ZNF30: variants seen among roughly 807,000 people sequenced by gnomAD.
ZNF30 encodes zinc finger protein 30, also known as zinc finger protein 30 (KOX 28).
A neutral mutation model predicts 13.2 loss-of-function variants in ZNF30; 15 were observed. The ratio of observed to expected loss-of-function variants is 1.13; its 90% CI spans 0.76 to 1.75. The LOEUF (loss-of-function observed/expected upper bound fraction) is 1.75. ZNF30 is among the 40% of genes most tolerant of loss of function. ZNF30 has a pLI of 0.00. For synonymous variants in ZNF30, 223 were observed against 256.6 expected (o/e 0.87, Z 1.25); for missense variants, 726 against 757.0 (o/e 0.96, Z 0.48).
intron 1 of ZNF30, 106 bp from the exon 2 acceptor site, chr19:34,929,778 G>T (rs985612711): frequency 1.7e-6 from 1 of 586,002 alleles, no homozygotes; most frequent in East Asian, 3.0e-5. Flanking sequence ...TTGTTTGAGG[G>T]TGTTTGTAGC....
chr19:34,932,815 C>G (rs532312561), intron 3 of ZNF30, among the ~76,000 whole-genome samples: 48 of 148,324 alleles, frequency 3.2e-4, no homozygotes, highest in African/African-American at 1.2e-3. Flanking sequence ...TAGTCTCACT[C>G]TGTTGCCCAG....
intron 2 of ZNF30, among the ~76,000 whole-genome samples, chr19:34,931,529 T>C (rs1361012743): frequency 6.6e-6 from 1 of 152,214 alleles, no homozygotes; most frequent in Non-Finnish European, 1.5e-5. Context: ...TAGAGACTAA[T>C]TGTTTTTGAG....
chr19:34,931,723 C>A, intron 2 of ZNF30, 120 bp from the exon 3 acceptor site: 1 of 945,524 alleles, frequency 1.1e-6, no homozygotes. Context: ...CCATGCTCAT[C>A]CACTTGCCAC....
At chr19:34,928,150 G>C (rs954377561) in intron 1 of ZNF30, among the ~76,000 whole-genome samples, 1 of 149,520 alleles carries the variant, frequency 6.7e-6, no homozygotes, top group Non-Finnish European at 1.5e-5. Context: ...GGAGGTTGCA[G>C]TGAGTGGAGA....
In ZNF30 at chr19:34,930,072, TTC is replaced by T. The variant is rs1190244896; in HGVS notation, c.9+118_9+119del. ...ACCATCTAATTGCCTACTTGATTCC[TTC>T]TGTTTGGCGGAATGATGTCAAAGTA... On this transcript the variant is annotated intron_variant, in intron 2 of 4. Coordinates refer to ENST00000601142, the MANE Select transcript of ZNF30 (RefSeq NM_194325.3). 3.9e-6 allele frequency: 4 copies of T among 1,028,174 alleles called. No homozygotes were observed. In the East Asian group the frequency reaches 1.0e-4, roughly 27 times the overall value. The allele number at this position is 1,028,174 out of a possible 1,614,324, so 63.7% of individuals were successfully genotyped here.
At chr19:34,941,552 C>T (rs568863846) in intron 4 of ZNF30, among the ~76,000 whole-genome samples, 136 of 152,276 alleles carry the variant, frequency 8.9e-4, no homozygotes, top group South Asian at 6.0e-3. Context: ...TGAGCCACTG[C>T]ACCCAGCCTG....
rs551558825 is a variant in ZNF30, at chr19:34,930,703, A to T, written c.9+747A>T. Reference sequence around the variant, plus strand: ...CAAGACCCTGTCTCTACCAAAAAAAATTTTTTTTAATTAGCCAGGCATGGG... The same window carrying T: ...CAAGACCCTGTCTCTACCAAAAAAATTTTTTTTTAATTAGCCAGGCATGGG... On this transcript the variant is annotated intron_variant, in intron 2 of 4. Coordinates refer to ENST00000601142, the MANE Select transcript of ZNF30 (RefSeq NM_194325.3). 4.1e-3 allele frequency among the ~76,000 whole-genome samples: 624 copies of T among 152,044 alleles called. 5 individuals carry two copies. Among genetic ancestry groups the T allele is most frequent in the African/African-American group, 0.014 (560 of 41,460 alleles).
At chr19:34,935,243 A>T (rs35616687) in intron 4 of ZNF30, among the ~76,000 whole-genome samples, 46,189 of 142,006 alleles carry the variant, frequency 0.33, 7,144 homozygotes, top group South Asian at 0.35. Flanking sequence ...AAAAAAAAAA[A>T]TTTTTAAAAA....
chr19:34,944,536 G>T lies in ZNF30; in HGVS notation c.1570G>T (p.Gly524Cys). The change falls in exon 5 of 5, where the codon GGC becomes TGC. Residue 524 changes from glycine (G) to cysteine (C), a missense_variant. By Grantham distance (159) the Gly-to-Cys change is radical. Transcript: ENST00000601142. ...GGAGTGTGGCAAGGCCTTCAGTTCT[G>T]GCTCATACCTTGTTCAGCATCAAAG... is the stretch of plus-strand genomic sequence containing the variant. ...CKECGKAFSS[G>C]SYLVQHQRIH... The T allele has an allele frequency of 6.2e-7, 1 of 1,614,030 alleles. No individual in the cohort carries two copies. Among genetic ancestry groups the T allele is most frequent in the Non-Finnish European group, 8.5e-7 (1 of 1,179,990 alleles).
chr19:34,927,547 A>C (rs1378540342), intron 1 of ZNF30, among the ~76,000 whole-genome samples: 4 of 152,206 alleles, frequency 2.6e-5, no homozygotes, highest in Non-Finnish European at 5.9e-5. Flanking sequence ...TTTAAAGATG[A>C]GAGCAATGTC....
chr19:34,938,984 G>C (rs1453300618), intron 4 of ZNF30, among the ~76,000 whole-genome samples: 3 of 152,116 alleles, frequency 2.0e-5, no homozygotes. Context: ...AATTCCACGG[G>C]CATGGTTTCC....
chr19:34,935,558 C>T (rs1357218764), intron 4 of ZNF30, among the ~76,000 whole-genome samples: 1 of 152,098 alleles, frequency 6.6e-6, no homozygotes, highest in Non-Finnish European at 1.5e-5. Context: ...TGTCAGACAC[C>T]CCACATTGTC....
At chr19:34,936,888 CCT>C (rs1164982181) in intron 4 of ZNF30, among the ~76,000 whole-genome samples, 1 of 151,846 alleles carries the variant, frequency 6.6e-6, no homozygotes, top group Non-Finnish European at 1.5e-5. Flanking sequence ...AGAGAAAACC[CCT>C]GTCTCAAAAA....
rs1014775754 is a variant in ZNF30, at chr19:34,945,070, C to G, written c.*232C>G. ...TCAGAAAAAGTGGGAAACGTTATTA[C>G]TTAATGGTTACAGCACTGACAGCAT... On this transcript the variant is annotated 3_prime_UTR_variant, in exon 5 of 5. Transcript: ENST00000601142. 1 of 454,704 alleles carries G rather than the reference C, an allele frequency of 2.2e-6. No homozygotes were observed. Among genetic ancestry groups the G allele is most frequent in the Non-Finnish European group, 3.8e-6 (1 of 262,094 alleles). 28.2% of individuals were successfully genotyped at this position (454,704 alleles called of 1,614,324 possible). A position where few individuals can be genotyped will look rare whatever the true frequency, so the allele number is the denominator to read the frequency against.
chr19:34,939,787 A>G (rs960743482), intron 4 of ZNF30, among the ~76,000 whole-genome samples: 1 of 152,134 alleles, frequency 6.6e-6, no homozygotes, highest in Non-Finnish European at 1.5e-5. Flanking sequence ...CCACTTTCCT[A>G]TTTAGTCTTT....
chr19:34,943,434 CT>C lies in ZNF30; in HGVS notation c.471del (p.Phe157LeufsTer86). The C allele has an allele frequency of 6.2e-7, 1 of 1,613,860 alleles. No individual in the cohort carries two copies. Among genetic ancestry groups the C allele is most frequent in the Non-Finnish European group, 8.5e-7 (1 of 1,179,846 alleles). On this transcript the variant is annotated frameshift_variant, in exon 5 of 5. Transcript: ENST00000601142. LOFTEE classifies it low-confidence loss of function (END_TRUNC). ...PNRCKECGKN[F>X]SNGHQLTIHQ... Reference sequence around the variant, plus strand: ...ACAGATGTAAAGAATGTGGGAAGAACTTTAGTAATGGACATCAACTCACCAT... The same window carrying C: ...ACAGATGTAAAGAATGTGGGAAGAACTTAGTAATGGACATCAACTCACCAT...
Position 34,943,549 on chromosome 19 carries a change from G to T in ZNF30, c.583G>T (p.Gly195Trp). 6.2e-7 allele frequency: 1 copy of T among 1,613,260 alleles called. No homozygotes were observed. Among genetic ancestry groups the T allele is most frequent in the South Asian group, 1.1e-5 (1 of 90,920 alleles). The change falls in exon 5 of 5, where the codon GGG becomes TGG. Residue 195 changes from glycine to tryptophan, a missense_variant. By Grantham distance (184) the Gly-to-Trp change is radical. Transcript: ENST00000601142. ...FISGSAFVKH[G>W]RIHTGEKPLK... ...CAGTGGCTCAGCCTTTGTTAAGCAT[G>T]GGAGAATTCACACTGGTGAGAAGCC... is the stretch of plus-strand genomic sequence containing the variant.
At position 34,929,037 on chromosome 19, in the gene ZNF30, C is replaced by G. The variant is rs535968220; in HGVS notation, c.-64-847C>G. On this transcript the variant is annotated intron_variant, in intron 1 of 4. Transcript: ENST00000601142. The stretch of plus-strand genomic sequence containing the variant: ...GTGGCTCACGCCTGTAATCCCAGCA[C>G]TTTGGGAGGCTGAGGCGGGCGGATC... 1.3e-4 allele frequency among the ~76,000 whole-genome samples: 20 copies of G among 152,246 alleles called. No individual in the cohort carries two copies. The East Asian group carries it at 3.9e-3, about 30-fold the overall frequency.
intron 3 of ZNF30, among the ~76,000 whole-genome samples, 187 bp from the exon 4 acceptor site, chr19:34,933,441 A>G (rs112919374): frequency 0.011 from 1,665 of 152,076 alleles, 37 homozygotes; most frequent in African/African-American, 0.038. Flanking sequence ...ACAGAGTGAG[A>G]CTCTGTCTCT....
Sources: gnomAD v4.1 joint callset for allele counts (sites outside exome capture counted in the v4.1 genomes callset) on GRCh38, gnomAD v4.1.1 for gene constraint, MANE v1.5 for transcripts, NCBI Gene and HGNC (gene_info 2026-07-23, HGNC 2026-07-21) for gene names.